The following NCF2 variants were observed in gnomAD, a reference collection of about 807,000 sequenced individuals.
NCF2 encodes neutrophil cytosolic factor 2.
Under a neutral mutation model 70.9 loss-of-function variants are expected in NCF2, and 45 were observed. The ratio of observed to expected loss-of-function variants is 0.63; its 90% CI spans 0.50 to 0.81. The LOEUF (loss-of-function observed/expected upper bound fraction) is 0.81. Ranked by LOEUF, NCF2 falls within the 40% of genes least tolerant of loss-of-function variation. The pLI, the probability that NCF2 is intolerant of heterozygous loss-of-function variation, is 0.00. For synonymous variants in NCF2, 203 were observed against 233.6 expected, an observed-to-expected ratio of 0.87 and a Z score of 1.19; for missense variants, 522 against 631.6, an observed-to-expected ratio of 0.83 and a Z score of 1.86.
At chr1:183,569,088 TCAGCTCAGG>T in intron 7 of NCF2, 45 bp downstream of exon 7, 1 of 1,544,454 alleles carries the variant, frequency 6.5e-7, no homozygotes, top group East Asian at 2.2e-5. Flanking sequence ...TTTCTTGCCA[TCAGCTCAGG>T]CTTGGCGCTT....
intron 14 of NCF2, among the ~76,000 whole-genome samples, 174 bp downstream of exon 14, chr1:183,559,922 G>GAC (rs1325606005): frequency 6.6e-6 from 1 of 152,210 alleles, no homozygotes; most frequent in Non-Finnish European, 1.5e-5. Flanking sequence ...TAGAGCAATA[G>GAC]ACAGGGAAAG....
chr1:183,559,146 G>T (rs977071878), intron 14 of NCF2, among the ~76,000 whole-genome samples: 1 of 152,196 alleles, frequency 6.6e-6, no homozygotes, highest in Admixed American at 6.5e-5. Context: ...AGAATCTCTG[G>T]AGGGTGGGCC....
chr1:183,594,363 C>T (rs539703042), upstream of NCF2, among the ~76,000 whole-genome samples: 1 of 152,290 alleles, frequency 6.6e-6, no homozygotes, highest in East Asian at 1.9e-4. Flanking sequence ...GAGTGATGAT[C>T]ACGCCACTGC....
At chr1:183,565,385 C>G (rs1467179637) in intron 10 of NCF2, among the ~76,000 whole-genome samples, 1 of 152,220 alleles carries the variant, frequency 6.6e-6, no homozygotes, top group Non-Finnish European at 1.5e-5. Context: ...GGTATAGTTA[C>G]TTCAACTTTT....
At chr1:183,586,810 C>T (rs2102934051) in intron 2 of NCF2, 85 bp downstream of exon 2, 1 of 1,249,008 alleles carries the variant, frequency 8.0e-7, no homozygotes, top group Non-Finnish European at 1.2e-6. Context: ...TGGGAAGGTA[C>T]TGCTCAAACA....
At chr1:183,590,556 G>A (rs569365439), upstream of NCF2, 53 of 612,312 alleles carry the variant, frequency 8.7e-5, 1 homozygote, top group South Asian at 8.8e-4. Flanking sequence ...TACCATGAGA[G>A]AGAAAAGGAA....
At chr1:183,581,438 A>G (rs1673068305) in intron 2 of NCF2, among the ~76,000 whole-genome samples, 1 of 151,796 alleles carries the variant, frequency 6.6e-6, no homozygotes, top group South Asian at 2.1e-4. Context: ...GTTTGAGGCC[A>G]GCCTGGACAA....
In NCF2 at chr1:183,567,196, C is replaced by T. The variant is rs751011909; in HGVS notation, c.855+8G>A. On this transcript the variant is annotated splice_region_variant and intron_variant, in intron 8 of 14. Transcript: ENST00000367535. ...GCCCATCGCACCAGCCCCTGATCCT[C>T]TGCATACCTGCCCGTTGAACATGAC... 7 of 1,614,054 alleles carry T rather than the reference C, an allele frequency of 4.3e-6. No homozygotes were observed. Among genetic ancestry groups the T allele is most frequent in the African/African-American group, 2.7e-5 (2 of 74,924 alleles).
intron 12 of NCF2, 37 bp from the exon 13 acceptor site, chr1:183,563,343 A>T: frequency 6.2e-7 from 1 of 1,613,776 alleles, no homozygotes. Context: ...CAGTCAAAGA[A>T]CATCATCACA....
rs60826838 is a variant in NCF2 at position 183,576,550 on chromosome 1, G to A, written c.366+1049C>T. Reference sequence around the variant, plus strand: ...CAGGACGCACCACAACCCCTCTCTCGCCTCTGCTACAATACAAGATTGTCT... The same window carrying A: ...CAGGACGCACCACAACCCCTCTCTCACCTCTGCTACAATACAAGATTGTCT... On this transcript the variant is annotated intron_variant, in intron 3 of 14. Transcript: ENST00000367535. Among the ~76,000 whole-genome samples the A allele has an allele frequency of 4.3e-3, 650 of 152,272 alleles. 10 individuals carry two copies. Among genetic ancestry groups the A allele is most frequent in the East Asian group, 0.031 (159 of 5,184 alleles).
chr1:183,589,522 T>A (rs1247500991), intron 1 of NCF2, among the ~76,000 whole-genome samples: 1 of 152,160 alleles, frequency 6.6e-6, no homozygotes, highest in East Asian at 1.9e-4. Context: ...AATGCTTAAC[T>A]CCATACTATG....
chr1:183,591,788 C>T (rs774877800), upstream of NCF2, among the ~76,000 whole-genome samples: 136 of 152,082 alleles, frequency 8.9e-4, no homozygotes, highest in Admixed American at 3.5e-3. Flanking sequence ...CGTGCCCAGC[C>T]GAAATAACTT....
the NCF2 span, among the ~76,000 whole-genome samples, chr1:183,599,783 C>T: frequency 6.6e-6 from 1 of 152,002 alleles, no homozygotes; most frequent in Non-Finnish European, 1.5e-5. Context: ...AAACTCCTGA[C>T]CTCAGGTGAA....
At chr1:183,557,538 A>G (rs555936977) in intron 14 of NCF2, among the ~76,000 whole-genome samples, 4 of 152,228 alleles carry the variant, frequency 2.6e-5, no homozygotes, top group Non-Finnish European at 4.4e-5. Flanking sequence ...AGATGAGACC[A>G]TCTCATAACT....
At chr1:183,563,761 C>T (rs1317623444) in intron 11 of NCF2, 176 bp from the exon 12 acceptor site, 2 of 852,962 alleles carry the variant, frequency 2.3e-6, no homozygotes, top group South Asian at 3.1e-5. Flanking sequence ...TTAGCCCAAC[C>T]CTTGCTTGGA....
In NCF2 at chr1:183,569,805, G is replaced by A. The variant is rs556857621; in HGVS notation, c.670-620C>T. Among the ~76,000 whole-genome samples the A allele has an allele frequency of 2.6e-5, 4 of 152,250 alleles. No individual in the cohort carries two copies. The South Asian group carries it at 8.3e-4, about 32-fold the overall frequency. On this transcript the variant is annotated intron_variant, in intron 6 of 14. Transcript: ENST00000367535. ...GGGTTTCACCATGTTGGCCAGGCTG[G>A]TCTGGAACTCCTGGCCTCAAGTGAT...
chr1:183,598,792 T>C, the NCF2 span, among the ~76,000 whole-genome samples: 1 of 152,204 alleles, frequency 6.6e-6, no homozygotes, highest in Non-Finnish European at 1.5e-5. Flanking sequence ...TGCTAGCTGC[T>C]TTAAAGAAAT....
chr1:183,562,720 C>T (rs958985340), intron 13 of NCF2, among the ~76,000 whole-genome samples: 4 of 151,618 alleles, frequency 2.6e-5, no homozygotes, highest in Admixed American at 2.6e-4. Flanking sequence ...GTAATCCCAG[C>T]TACTCAGGAG....
At chr1:183,579,347 T>C (rs1672947022) in intron 2 of NCF2, among the ~76,000 whole-genome samples, 1 of 152,178 alleles carries the variant, frequency 6.6e-6, no homozygotes, top group Non-Finnish European at 1.5e-5. Context: ...ACCACCTGGT[T>C]TGAGTCTTGG....
Sources: gnomAD v4.1 joint callset for allele counts (sites outside exome capture counted in the v4.1 genomes callset) on GRCh38, gnomAD v4.1.1 for gene constraint, MANE v1.5 for transcripts, NCBI Gene and HGNC (gene_info 2026-07-23, HGNC 2026-07-21) for gene names.